Variants in NUP210L observed in about 807,000 individuals in gnomAD.
The protein encoded by NUP210L is nuclear pore membrane glycoprotein 210-like.
A neutral mutation model predicts 208.5 loss-of-function variants in NUP210L; 74 were observed. That is an observed-to-expected ratio of 0.35 (90% CI 0.29 to 0.43). NUP210L has a LOEUF of 0.43. NUP210L is among the 20% of genes least tolerant of loss of function. The pLI is 1.00. For missense variants in NUP210L, 1,843 were observed against 2,289.4 expected (o/e 0.81, Z 3.98); for synonymous variants, 780 against 816.9 (o/e 0.95, Z 0.77).
At chr1:154,073,613 G>A (rs932482552) in intron 16 of NUP210L, among the ~76,000 whole-genome samples, 1 of 151,838 alleles carries the variant, frequency 6.6e-6, no homozygotes, top group African/African-American at 2.4e-5. Flanking sequence ...TCAGGAGTTC[G>A]AGACCAGCCT....
intron 37 of NUP210L, chr1:153,995,777 GC>G: frequency 1.5e-6 from 1 of 670,542 alleles, no homozygotes; most frequent in Middle Eastern, 3.6e-4. Flanking sequence ...TGTGGCATGT[GC>G]CCAGGCAGAC....
chr1:154,120,221 AC>A (rs763268639), intron 10 of NUP210L, among the ~76,000 whole-genome samples: 7 of 152,038 alleles, frequency 4.6e-5, no homozygotes, highest in African/African-American at 7.2e-5. Flanking sequence ...CACATCCTTC[AC>A]CCACTTTTTG....
At chr1:154,029,800 C>A in intron 28 of NUP210L, 96 bp downstream of exon 28, 1 of 923,940 alleles carries the variant, frequency 1.1e-6, no homozygotes, top group South Asian at 1.6e-5. Context: ...TAACAATTAT[C>A]TGTCTCTATC....
At chr1:154,002,278 TGATC>T (rs1245152550) in intron 35 of NUP210L, among the ~76,000 whole-genome samples, 1 of 152,064 alleles carries the variant, frequency 6.6e-6, no homozygotes, top group Non-Finnish European at 1.5e-5. Context: ...CACAGTGGCG[TGATC>T]ATGGCATTCT....
At chr1:154,090,256 T>C (rs1053835229) in intron 15 of NUP210L, among the ~76,000 whole-genome samples, 2 of 152,100 alleles carry the variant, frequency 1.3e-5, no homozygotes, top group Non-Finnish European at 2.9e-5. Context: ...TATTTCAGTC[T>C]TTTCCTCCGC....
intron 2 of NUP210L, among the ~76,000 whole-genome samples, chr1:154,152,110 A>T (rs2148164558): frequency 6.6e-6 from 1 of 150,708 alleles, no homozygotes; most frequent in Admixed American, 6.6e-5. Context: ...AAAAAAAAGA[A>T]AGAAAGAAAG....
chr1:153,992,929 A>C, exon 40 of NUP210L: 1 of 1,611,112 alleles, frequency 6.2e-7, no homozygotes, highest in Non-Finnish European at 8.5e-7. Flanking sequence ...TGTGGAGTTA[A>C]AAAAACCTAG....
Position 154,077,342 on chromosome 1 carries a change from G to A in NUP210L, c.2362-6877C>T, listed in dbSNP as rs566927076. On this transcript the variant is annotated intron_variant, in intron 16 of 39. Coordinates refer to ENST00000368559, the Ensembl canonical transcript of NUP210L. ...AATAAGCCGAGATCATTCCAGCCTG[G>A]GTGACACAGCGATACTCTGTCTCAA... Among the ~76,000 whole-genome samples the A allele has an allele frequency of 2.6e-5, 4 of 151,486 alleles. No individual in the cohort carries two copies. In the South Asian group the frequency reaches 8.4e-4, roughly 32 times the overall value.
In NUP210L at chr1:154,098,748, T is replaced by G. The variant is rs192746846; in HGVS notation, c.1965+1250A>C. 3.5e-3 allele frequency among the ~76,000 whole-genome samples: 538 copies of G among 152,220 alleles called. 3 individuals carry two copies. The highest frequency in any genetic ancestry group is 0.021 in the South Asian group (103 of 4,826). ...AAGGCATCACAAGTTCCCACTCTGG[T>G]CTGCGGGACTGGCAGCCTGGACCCC... On this transcript the variant is annotated intron_variant, in intron 14 of 39. Transcript: ENST00000368559.
chr1:154,124,223 C>A (rs1340717884), intron 10 of NUP210L, among the ~76,000 whole-genome samples: 4 of 137,870 alleles, frequency 2.9e-5, no homozygotes, highest in South Asian at 2.4e-4. Context: ...AGAGAGAGCA[C>A]AACGGGGATG....
chr1:154,080,318 C>T (rs2148028838), intron 16 of NUP210L, among the ~76,000 whole-genome samples: 1 of 151,108 alleles, frequency 6.6e-6, no homozygotes, highest in South Asian at 2.1e-4. Flanking sequence ...CAAGATCATG[C>T]CATTGCACTC....
intron 32 of NUP210L, 27 bp from the exon 33 acceptor site, chr1:154,019,096 G>T: frequency 2.5e-6 from 4 of 1,612,114 alleles, no homozygotes; most frequent in Non-Finnish European, 3.4e-6. Flanking sequence ...GAAAACACTT[G>T]GCTGAAGCCT....
intron 35 of NUP210L, among the ~76,000 whole-genome samples, chr1:154,002,360 A>G (rs948373819): frequency 3.9e-5 from 6 of 151,960 alleles, no homozygotes; most frequent in Admixed American, 3.9e-4. Flanking sequence ...GATTACAGGC[A>G]TGAGCCACTG....
At chr1:154,006,917 C>T (rs1309272315) in intron 35 of NUP210L, among the ~76,000 whole-genome samples, 2 of 127,138 alleles carry the variant, frequency 1.6e-5, no homozygotes, top group South Asian at 2.6e-4. Context: ...TACACATATA[C>T]ACATATGTCT....
In NUP210L at chr1:154,146,778, G is replaced by A. The variant is rs566354675; in HGVS notation, c.341-3201C>T. On this transcript the variant is annotated intron_variant, in intron 2 of 39. Transcript: ENST00000368559. The stretch of plus-strand genomic sequence containing the variant: ...GTTAATACATGTGCACAAATCCTTT[G>A]GCACTCCTCCTTCCAAGAGGCAAAG... Among the ~76,000 whole-genome samples, 9 of 152,180 alleles carry A rather than the reference G, an allele frequency of 5.9e-5. No individual in the cohort carries two copies. The South Asian group carries it at 1.9e-3, about 32-fold the overall frequency.
intron 38 of NUP210L, among the ~76,000 whole-genome samples, chr1:153,993,899 A>C (rs532654472): frequency 6.6e-6 from 1 of 152,150 alleles, no homozygotes; most frequent in Non-Finnish European, 1.5e-5. Flanking sequence ...CCATCTCAAA[A>C]AAATTTTTTT....
chr1:154,133,537 TAAA>T (rs144993679), intron 7 of NUP210L, among the ~76,000 whole-genome samples: 1 of 130,638 alleles, frequency 7.7e-6, no homozygotes, highest in Non-Finnish European at 1.7e-5. Flanking sequence ...ACTCTATCTC[TAAA>T]AAAAAAAAAA....
intron 37 of NUP210L, among the ~76,000 whole-genome samples, chr1:154,000,090 C>T (rs545584521): frequency 7.2e-5 from 11 of 152,092 alleles, no homozygotes; most frequent in Non-Finnish European, 1.3e-4. Context: ...CTCGGCCTCC[C>T]AAAGTGCTGG....
chr1:154,145,626 T>C (rs2148151691), intron 2 of NUP210L, among the ~76,000 whole-genome samples: 1 of 152,234 alleles, frequency 6.6e-6, no homozygotes, highest in African/African-American at 2.4e-5. Context: ...AATAAGTAAA[T>C]ACGTCATAGA....
Sources: allele counts gnomAD v4.1 joint callset (sites outside exome capture counted in the v4.1 genomes callset), GRCh38; gene constraint gnomAD v4.1.1; transcripts MANE v1.5; gene names NCBI Gene and HGNC (gene_info 2026-07-23, HGNC 2026-07-21).